CCDC149: variants seen among roughly 807,000 people sequenced by gnomAD.
CCDC149 encodes coiled-coil domain containing 149, also known as coiled-coil domain-containing protein 149.
Under a neutral mutation model 59.9 loss-of-function variants are expected in CCDC149, and 45 were observed. That is an observed-to-expected ratio of 0.75 (90% CI 0.59 to 0.96). The LOEUF (loss-of-function observed/expected upper bound fraction) is 0.96. Among genes scored for constraint, CCDC149 ranks in the 40% least tolerant of loss-of-function variants. The probability of loss-of-function intolerance (pLI) is 0.00; values close to 1 mark genes in which losing one functional copy is unlikely to be tolerated. For missense variants in CCDC149, 584 were observed against 664.7 expected (o/e 0.88, Z 1.33); for synonymous variants, 245 against 260.6 (o/e 0.94, Z 0.58).
chr4:24,966,302 A>G (rs1238967072), intron 1 of CCDC149, among the ~76,000 whole-genome samples: 2 of 152,174 alleles, frequency 1.3e-5, no homozygotes, highest in Non-Finnish European at 2.9e-5. Flanking sequence ...GGAAATGGGT[A>G]TGCGGCAGGC....
intron 1 of CCDC149, among the ~76,000 whole-genome samples, chr4:24,974,486 A>G (rs544039520): frequency 6.6e-6 from 1 of 152,342 alleles, no homozygotes; most frequent in East Asian, 1.9e-4. Flanking sequence ...TGCAGCACCC[A>G]GAAATCACCG....
chr4:24,823,264 G>T lies in CCDC149; in HGVS notation c.966-691C>A, dbSNP rs147231725. Among the ~76,000 whole-genome samples, 579 of 152,274 alleles carry T rather than the reference G, an allele frequency of 3.8e-3. 6 individuals are homozygous for T. Among genetic ancestry groups the T allele is most frequent in the African/African-American group, 0.013 (539 of 41,558 alleles). Reference sequence around the variant, plus strand: ...TAGAATAATTACATTGTTCTCCAAGGTGACCATTCTGAGTCACTAAGATAT... The same window carrying T: ...TAGAATAATTACATTGTTCTCCAAGTTGACCATTCTGAGTCACTAAGATAT... On this transcript the variant is annotated intron_variant, in intron 9 of 12. Coordinates refer to ENST00000635206, the MANE Select transcript of CCDC149 (RefSeq NM_001330643.2).
At chr4:24,951,067 A>C (rs765122395) in intron 1 of CCDC149, among the ~76,000 whole-genome samples, 26 of 152,358 alleles carry the variant, frequency 1.7e-4, no homozygotes, top group Middle Eastern at 3.4e-3. Flanking sequence ...AGGGGGCCTC[A>C]GGCAGGGATA....
At chr4:24,841,071 C>T in intron 4 of CCDC149, among the ~76,000 whole-genome samples, 1 of 152,124 alleles carries the variant, frequency 6.6e-6, no homozygotes, top group East Asian at 1.9e-4. Context: ...TGGCTTGGGA[C>T]ATCAGAACTC....
intron 12 of CCDC149, among the ~76,000 whole-genome samples, chr4:24,819,585 T>C (rs1715233703): frequency 6.6e-6 from 1 of 152,100 alleles, no homozygotes; most frequent in Admixed American, 6.6e-5. Context: ...CCTCCCAAAG[T>C]GCTAGGATTA....
intron 1 of CCDC149, among the ~76,000 whole-genome samples, chr4:24,965,255 G>A (rs879390263): frequency 1.3e-5 from 2 of 151,170 alleles, no homozygotes; most frequent in East Asian, 3.9e-4. Flanking sequence ...GTTAATTAGT[G>A]TACGTAGAGA....
At chr4:24,836,403 C>A in intron 7 of CCDC149, 33 bp downstream of exon 7, 1 of 1,384,934 alleles carries the variant, frequency 7.2e-7, no homozygotes, top group South Asian at 1.2e-5. Flanking sequence ...GCACAATAGT[C>A]AATCACCATC....
At chr4:24,854,333 C>G (rs6854022) in intron 3 of CCDC149, among the ~76,000 whole-genome samples, 1 of 152,188 alleles carries the variant, frequency 6.6e-6, no homozygotes, top group African/African-American at 2.4e-5. Flanking sequence ...AAGGCAGAGA[C>G]TCTGCTTTCT....
At chr4:24,834,921 G>T in intron 8 of CCDC149, 27 bp downstream of exon 8, 1 of 1,542,270 alleles carries the variant, frequency 6.5e-7, no homozygotes, top group Non-Finnish European at 8.9e-7. Flanking sequence ...GCTCATGAGC[G>T]GTCTCTCCTG....
Position 24,834,987 on chromosome 4 carries a change from T to G in CCDC149, c.781A>C (p.Ser261Arg). The G allele has an allele frequency of 6.2e-7, 1 of 1,614,084 alleles. No homozygotes were observed. Among genetic ancestry groups the G allele is most frequent in the East Asian group, 2.2e-5 (1 of 44,874 alleles). Residue 261 changes from serine (S) to arginine (R), a missense_variant, in exon 8 of 13, where the codon AGC becomes CGC. Physicochemically the swap from Ser to Arg is moderately radical, Grantham distance 110 (BLOSUM62 -1). Coordinates refer to ENST00000635206, the MANE Select transcript of CCDC149 (RefSeq NM_001330643.2). ...AGGACTCCTGTCAGAGCACTGCTGCTGGATTTACCCTGGCCCTTCGAGTTT... is the reference window on the plus strand; with the variant it reads ...AGGACTCCTGTCAGAGCACTGCTGCGGGATTTACCCTGGCCCTTCGAGTTT...
chr4:24,877,240 C>T (rs1281251541), intron 1 of CCDC149, among the ~76,000 whole-genome samples: 1 of 152,028 alleles, frequency 6.6e-6, no homozygotes, highest in African/African-American at 2.4e-5. Flanking sequence ...GGCTGGAGTG[C>T]AGTGATGTGA....
chr4:24,874,987 C>T (rs1719318706), intron 2 of CCDC149, among the ~76,000 whole-genome samples: 1 of 152,160 alleles, frequency 6.6e-6, no homozygotes, highest in Non-Finnish European at 1.5e-5. Flanking sequence ...TATGTCCACA[C>T]CGTGTATTAC....
At chr4:24,873,634 G>A in intron 3 of CCDC149, 47 bp downstream of exon 3, 1 of 1,254,822 alleles carries the variant, frequency 8.0e-7, no homozygotes, top group Non-Finnish European at 1.2e-6. Flanking sequence ...CCTCCCAATT[G>A]CTGCTAGGTA....
intron 1 of CCDC149, among the ~76,000 whole-genome samples, chr4:24,878,707 G>A (rs1384678330): frequency 2.6e-5 from 4 of 152,194 alleles, no homozygotes; most frequent in Admixed American, 6.5e-5. Flanking sequence ...AGACACTCGT[G>A]CCTTCCGACT....
At chr4:24,963,490 C>T (rs1723707578) in intron 1 of CCDC149, among the ~76,000 whole-genome samples, 1 of 152,128 alleles carries the variant, frequency 6.6e-6, no homozygotes, top group Non-Finnish European at 1.5e-5. Flanking sequence ...GAGCCTCCAC[C>T]CTCACCCAAC....
At chr4:24,905,020 GC>G (rs1306228979) in intron 1 of CCDC149, among the ~76,000 whole-genome samples, 1 of 152,024 alleles carries the variant, frequency 6.6e-6, no homozygotes, top group Non-Finnish European at 1.5e-5. Flanking sequence ...TCCTGCCTCG[GC>G]CTCCTGAGTA....
At chr4:24,874,417 TA>T (rs897164356) in intron 2 of CCDC149, among the ~76,000 whole-genome samples, 5 of 151,802 alleles carry the variant, frequency 3.3e-5, no homozygotes, top group African/African-American at 1.2e-4. Context: ...ATGTCTTTAC[TA>T]AAAAAATACA....
chr4:24,821,087 C>T lies in CCDC149; in HGVS notation c.1043G>A (p.Gly348Asp), dbSNP rs1234722522. The T allele has an allele frequency of 1.1e-5, 13 of 1,231,006 alleles. No individual in the cohort carries two copies. Among genetic ancestry groups the T allele is most frequent in the Admixed American group, 4.2e-5 (1 of 23,692 alleles). 76.3% of individuals were successfully genotyped at this position (1,231,006 alleles called of 1,614,324 possible). Residue 348 changes from glycine (G) to aspartate (D), a missense_variant and splice_region_variant, in exon 11 of 13, where the codon GGC becomes GAC. By Grantham distance (94) the Gly-to-Asp change is moderately conservative (BLOSUM62 -1). Coordinates refer to ENST00000635206, the MANE Select transcript of CCDC149 (RefSeq NM_001330643.2). ...TCCTACTGAAACATTGTAGCTCAGG[C>T]CTTCAGGCAGCAAAAAGAAAAAAAG... is the stretch of plus-strand genomic sequence containing the variant.
chr4:24,891,893 G>T (rs1225589952), intron 1 of CCDC149, among the ~76,000 whole-genome samples: 1 of 152,054 alleles, frequency 6.6e-6, no homozygotes, highest in Non-Finnish European at 1.5e-5. Flanking sequence ...CAGCTACTTG[G>T]GAGGCTGAGG....
Sources: gnomAD v4.1 joint callset for allele counts (sites outside exome capture counted in the v4.1 genomes callset) on GRCh38, gnomAD v4.1.1 for gene constraint, MANE v1.5 for transcripts, NCBI Gene and HGNC (gene_info 2026-07-23, HGNC 2026-07-21) for gene names.